Variants in KL observed in about 807,000 individuals in gnomAD.
KL encodes the protein klotho, also known as alpha-klotho.
KL carries 62 observed loss-of-function variants against 84.2 expected under a neutral mutation model. That is an observed-to-expected ratio of 0.74 (90% CI 0.60 to 0.91). The LOEUF is 0.91. Ranked by LOEUF, KL falls within the 40% of genes least tolerant of loss-of-function variation. KL has a pLI of 0.00. For synonymous variants in KL, 528 were observed against 528.0 expected, an observed-to-expected ratio of 1.00 and a Z score of 0.00; for missense variants, 1,261 against 1,305.7, an observed-to-expected ratio of 0.97 and a Z score of 0.53.
chr13:33,061,928 T>G (rs1031111616), intron 4 of KL, 148 bp downstream of exon 4: 3 of 806,690 alleles, frequency 3.7e-6, no homozygotes, highest in Admixed American at 2.1e-5. Flanking sequence ...CCAAGAGATA[T>G]CTAGCATTTC....
chr13:33,048,892 T>C (rs1871637171), intron 1 of KL, among the ~76,000 whole-genome samples: 1 of 152,230 alleles, frequency 6.6e-6, no homozygotes, highest in African/African-American at 2.4e-5. Flanking sequence ...TCTGTGGAAT[T>C]CAGAGTATTT....
chr13:33,020,975 C>G (rs1870555832), intron 1 of KL, among the ~76,000 whole-genome samples: 1 of 152,214 alleles, frequency 6.6e-6, no homozygotes, highest in Non-Finnish European at 1.5e-5. Flanking sequence ...TCTATGGCAT[C>G]CTGCACAGGA....
rs116913286 is a variant in KL, at chr13:33,022,530, C to T, written c.819+5271C>T. Among the ~76,000 whole-genome samples the T allele has an allele frequency of 6.4e-4, 97 of 152,294 alleles. No homozygotes were observed. The East Asian group carries it at 0.016, about 25-fold the overall frequency. On this transcript the variant is annotated intron_variant, in intron 1 of 4. Transcript: ENST00000380099. Reference sequence around the variant, plus strand: ...AGAAATGCAAAGTTATACTTGAAATCTATATTTAAACAGATAAGCAGAATG... The same window carrying T: ...AGAAATGCAAAGTTATACTTGAAATTTATATTTAAACAGATAAGCAGAATG...
At chr13:33,016,317 A>T (rs1197509393), upstream of KL, 2 of 151,242 alleles carry the variant, frequency 1.3e-5, no homozygotes, top group East Asian at 3.9e-4. Flanking sequence ...CTCGCAGGTA[A>T]TTATTGCCAG....
At chr13:33,052,654 C>T (rs112035573) in intron 1 of KL, among the ~76,000 whole-genome samples, 90 of 152,062 alleles carry the variant, frequency 5.9e-4, no homozygotes, top group African/African-American at 1.9e-3. Flanking sequence ...AAATGAACCA[C>T]GAGAGGAATA....
chr13:33,033,276 G>A (rs1278494175), intron 1 of KL, among the ~76,000 whole-genome samples: 5 of 152,152 alleles, frequency 3.3e-5, no homozygotes, highest in African/African-American at 4.8e-5. Flanking sequence ...CGGGAGATGG[G>A]AGAGTGAAAA....
At chr13:33,062,379 C>CAA (rs34867837) in intron 4 of KL, among the ~76,000 whole-genome samples, 38 of 141,854 alleles carry the variant, frequency 2.7e-4, no homozygotes, top group East Asian at 1.8e-3. Flanking sequence ...GACACTATTT[C>CAA]AAAAAAAAAA....
chr13:33,061,537 G>A lies in KL; in HGVS notation c.2458G>A (p.Asp820Asn). 6.2e-7 allele frequency: 1 copy of A among 1,614,170 alleles called. No individual in the cohort carries two copies. The highest frequency in any genetic ancestry group is 1.1e-5 in the South Asian group (1 of 91,084). Residue 820 changes from aspartate (D) to asparagine (N), a missense_variant, in exon 4 of 5, where the codon GAT (aspartate) becomes AAT (asparagine). By Grantham distance (23) the Asp-to-Asn change is conservative. Transcript: ENST00000380099. ...CATCCTTGTAGACTCAGAAAAAGAA[G>A]ATCCAATAAAATACAATGATTACCT... ...TTILVDSEKE[D>N]PIKYNDYLEV...
intron 1 of KL, among the ~76,000 whole-genome samples, chr13:33,025,217 G>T (rs1870726325): frequency 6.6e-6 from 1 of 152,166 alleles, no homozygotes; most frequent in African/African-American, 2.4e-5. Context: ...TTTTGGGGAG[G>T]TAGTACGGGA....
At chr13:33,057,407 A>G (rs1429593027) in intron 3 of KL, among the ~76,000 whole-genome samples, 3 of 152,190 alleles carry the variant, frequency 2.0e-5, no homozygotes, top group Non-Finnish European at 2.9e-5. Context: ...TTGAGGGAGA[A>G]GAGAAAACGC....
At chr13:33,051,950 T>C (rs920609776) in intron 1 of KL, among the ~76,000 whole-genome samples, 19 of 152,158 alleles carry the variant, frequency 1.2e-4, no homozygotes, top group African/African-American at 3.9e-4. Flanking sequence ...CTGTTGTGTT[T>C]ATTTGTTTGT....
chr13:33,056,025 G>A (rs768431823), intron 3 of KL, among the ~76,000 whole-genome samples: 25 of 152,162 alleles, frequency 1.6e-4, no homozygotes, highest in Non-Finnish European at 3.2e-4. Context: ...TGCTCGGGTC[G>A]CTTGGTTAAG....
At chr13:33,029,032 A>G (rs1331255767) in intron 1 of KL, among the ~76,000 whole-genome samples, 1 of 152,248 alleles carries the variant, frequency 6.6e-6, no homozygotes, top group Non-Finnish European at 1.5e-5. Context: ...GCAATGTAGG[A>G]CAGGGAACTG....
intron 1 of KL, among the ~76,000 whole-genome samples, chr13:33,047,768 T>C (rs952858457): frequency 6.6e-6 from 1 of 152,240 alleles, no homozygotes; most frequent in African/African-American, 2.4e-5. Context: ...TTTTGTTTTT[T>C]ATTTCTGCAT....
intron 2 of KL, among the ~76,000 whole-genome samples, chr13:33,054,648 T>G (rs1455770162): frequency 6.6e-6 from 1 of 152,214 alleles, no homozygotes; most frequent in Non-Finnish European, 1.5e-5. Flanking sequence ...GAAAAAGGAA[T>G]GTCCATGTTT....
chr13:33,017,883 A>G (rs1837303773), intron 1 of KL, among the ~76,000 whole-genome samples: 1 of 152,264 alleles, frequency 6.6e-6, no homozygotes, highest in South Asian at 2.1e-4. Context: ...AGCTAGTCAT[A>G]GAAACACAGA....
Position 33,061,528 on chromosome 13 carries a change from G to T in KL, c.2449G>T (p.Glu817Ter). 1 of 1,614,160 alleles carries T rather than the reference G, an allele frequency of 6.2e-7. No individual in the cohort carries two copies. The highest frequency in any genetic ancestry group is 8.5e-7 in the Non-Finnish European group (1 of 1,180,032). Residue 817 changes from glutamate (E) to a stop codon, truncating the protein, a stop_gained, in exon 4 of 5, where the codon GAA becomes TAA. Coordinates refer to ENST00000380099, the MANE Select transcript of KL (RefSeq NM_004795.4). LOFTEE classifies it high-confidence loss of function. Reference sequence around the variant, plus strand: ...TTATACCACCATCCTTGTAGACTCAGAAAAAGAAGATCCAATAAAATACAA... The same window carrying T: ...TTATACCACCATCCTTGTAGACTCATAAAAAGAAGATCCAATAAAATACAA... The part of the protein sequence containing the change: ...SHYTTILVDS[E>*]KEDPIKYNDY...
At chr13:33,047,795 A>G (rs186819267) in intron 1 of KL, among the ~76,000 whole-genome samples, 8 of 151,776 alleles carry the variant, frequency 5.3e-5, no homozygotes, top group Admixed American at 5.3e-4. Context: ...GAAAAATCAG[A>G]TTTTTTGGTA....
intron 1 of KL, among the ~76,000 whole-genome samples, chr13:33,035,753 T>A (rs1202428274): frequency 6.6e-6 from 1 of 152,216 alleles, no homozygotes; most frequent in Non-Finnish European, 1.5e-5. Flanking sequence ...GGTCACAAGC[T>A]GGATATTTTG....
Sources: allele counts gnomAD v4.1 joint callset (sites outside exome capture counted in the v4.1 genomes callset), GRCh38; gene constraint gnomAD v4.1.1; transcripts MANE v1.5; gene names NCBI Gene and HGNC (gene_info 2026-07-23, HGNC 2026-07-21).